CDH4: variants seen among roughly 807,000 people sequenced by gnomAD.
CDH4 encodes cadherin 4.
CDH4 carries 33 observed loss-of-function variants against 86.0 expected under a neutral mutation model. That is an observed-to-expected ratio of 0.38 (90% confidence interval 0.29 to 0.51). The LOEUF is 0.51. Ranked by LOEUF, CDH4 falls within the 20% of genes least tolerant of loss-of-function variation. The probability of loss-of-function intolerance (pLI) is 0.86; values close to 1 mark genes in which losing one functional copy is unlikely to be tolerated. For missense variants in CDH4, 1,114 were observed against 1,307.4 expected (o/e 0.85, Z 2.28); for synonymous variants, 555 against 549.4 (o/e 1.01, Z -0.14).
intron 2 of CDH4, among the ~76,000 whole-genome samples, chr20:61,533,088 G>T (rs1026804610): frequency 6.6e-6 from 1 of 152,146 alleles, no homozygotes; most frequent in Non-Finnish European, 1.5e-5. Context: ...ACCCTGAGAG[G>T]GACCCTGAGA....
chr20:61,507,972 C>T (rs1011079856), intron 2 of CDH4, among the ~76,000 whole-genome samples: 2 of 152,254 alleles, frequency 1.3e-5, no homozygotes, highest in Non-Finnish European at 2.9e-5. Flanking sequence ...CGCCCATGAC[C>T]CCACCGCCGG....
At chr20:61,467,311 T>C (rs2085477893) in intron 2 of CDH4, among the ~76,000 whole-genome samples, 1 of 152,252 alleles carries the variant, frequency 6.6e-6, no homozygotes, top group Admixed American at 6.5e-5. Context: ...ATGACATTTG[T>C]TAATCACTTA....
At chr20:61,634,058 A>C (rs117594366) in intron 2 of CDH4, among the ~76,000 whole-genome samples, 5,778 of 152,270 alleles carry the variant, frequency 0.038, 179 homozygotes, top group Middle Eastern at 0.068. Flanking sequence ...GACCCAGCTA[A>C]AGCCCGGTTT....
rs990704443 is a variant in CDH4, at chr20:61,516,456, C to T, written c.170-227107C>T. On this transcript the variant is annotated intron_variant, in intron 2 of 15. Transcript: ENST00000614565. This position sits in a 1 kb window ranked among gnomAD's most constrained non-coding sequence, Gnocchi z 4.0. ...AGATGCCGCTGCGGCTTCCATTTTA[C>T]AGACCGGGAGGCAGAGCCCCAGAGG... Among the ~76,000 whole-genome samples, 1 of 152,196 alleles carries T rather than the reference C, an allele frequency of 6.6e-6. No homozygotes were observed. Among genetic ancestry groups the T allele is most frequent in the Non-Finnish European group, 1.5e-5 (1 of 68,044 alleles).
chr20:61,614,373 G>T (rs1173690813), intron 2 of CDH4, among the ~76,000 whole-genome samples: 1 of 152,136 alleles, frequency 6.6e-6, no homozygotes, highest in Non-Finnish European at 1.5e-5. Context: ...GGAGGGCAGG[G>T]AAGCTCCTGC....
intron 2 of CDH4, among the ~76,000 whole-genome samples, chr20:61,478,960 ATT>A (rs549699582): frequency 0.035 from 5,095 of 144,620 alleles, 301 homozygotes; most frequent in African/African-American, 0.12. Flanking sequence ...CATTTTTGAA[ATT>A]TTTTTTTTTT....
At chr20:61,896,118 C>T (rs1311905238) in intron 8 of CDH4, among the ~76,000 whole-genome samples, 1 of 152,212 alleles carries the variant, frequency 6.6e-6, no homozygotes, top group Non-Finnish European at 1.5e-5. Context: ...ACACCAGCTG[C>T]ATCTGTGGAG....
chr20:61,461,067 C>T (rs2085439211), intron 2 of CDH4, among the ~76,000 whole-genome samples: 1 of 152,092 alleles, frequency 6.6e-6, no homozygotes, highest in Non-Finnish European at 1.5e-5. Flanking sequence ...TAATACAGGA[C>T]TTGGTTGCAT....
At chr20:61,859,187 G>C (rs748123763) in intron 6 of CDH4, among the ~76,000 whole-genome samples, 1 of 152,102 alleles carries the variant, frequency 6.6e-6, no homozygotes, top group Non-Finnish European at 1.5e-5. Context: ...GTGTTTATTG[G>C]CATCTGCGTG....
chr20:61,579,285 AT>A (rs11483950), intron 2 of CDH4, among the ~76,000 whole-genome samples: 4,477 of 129,506 alleles, frequency 0.035, 167 homozygotes, highest in African/African-American at 0.11. Context: ...CTCGATGGAG[AT>A]TTTTTTTTTT....
chr20:61,806,074 C>T (rs919167822), intron 4 of CDH4, among the ~76,000 whole-genome samples: 4 of 152,182 alleles, frequency 2.6e-5, no homozygotes, highest in Non-Finnish European at 4.4e-5. Context: ...CATTGTGGTT[C>T]GGGGCACATT....
intron 6 of CDH4, among the ~76,000 whole-genome samples, chr20:61,863,327 G>A (rs961684239): frequency 6.6e-6 from 1 of 152,188 alleles, no homozygotes; most frequent in Non-Finnish European, 1.5e-5. Context: ...TTCCTTGATG[G>A]GGAAATACTC....
intron 2 of CDH4, among the ~76,000 whole-genome samples, chr20:61,513,532 G>A (rs555865171): frequency 1.3e-5 from 2 of 152,208 alleles, no homozygotes; most frequent in Non-Finnish European, 2.9e-5. Flanking sequence ...CATGGCGCAC[G>A]GCTGTGAAGG....
At chr20:61,657,882 C>G (rs532656879) in intron 2 of CDH4, among the ~76,000 whole-genome samples, 6 of 152,120 alleles carry the variant, frequency 3.9e-5, no homozygotes, top group Non-Finnish European at 8.8e-5. Flanking sequence ...TGCTACGTCA[C>G]GGTGCCGGGC....
At chr20:61,915,827 T>A (rs2054898332) in intron 9 of CDH4, among the ~76,000 whole-genome samples, 2 of 152,190 alleles carry the variant, frequency 1.3e-5, no homozygotes, top group Non-Finnish European at 2.9e-5. Flanking sequence ...TGGCCGTGCT[T>A]CCGTACACTT....
chr20:61,518,227 G>A lies in CDH4; in HGVS notation c.170-225336G>A, dbSNP rs1228328534. On this transcript the variant is annotated intron_variant, in intron 2 of 15. Coordinates refer to ENST00000614565, the MANE Select transcript of CDH4 (RefSeq NM_001794.5). The surrounding 1 kb of genome is among the most constrained non-coding windows in gnomAD (Gnocchi z 6.3). ...CACCACCAGTTCCTAGGACGAGGAA[G>A]CCCGTGCCTCTCCACAGGCTGACTG... 1.3e-5 allele frequency among the ~76,000 whole-genome samples: 2 copies of A among 152,150 alleles called. No individual in the cohort carries two copies. The highest frequency in any genetic ancestry group is 4.8e-5 in the African/African-American group (2 of 41,432).
intron 2 of CDH4, among the ~76,000 whole-genome samples, chr20:61,474,043 A>T (rs1009567781): frequency 1.3e-4 from 19 of 151,908 alleles, no homozygotes; most frequent in African/African-American, 4.6e-4. Context: ...TACTGTAAAG[A>T]TCCAGGCTGT....
chr20:61,471,451 G>T (rs1256062907), intron 2 of CDH4, among the ~76,000 whole-genome samples: 2 of 146,146 alleles, frequency 1.4e-5, no homozygotes, highest in Non-Finnish European at 3.1e-5. Flanking sequence ...TGTCAATTGT[G>T]TTTATCTTTT....
intron 2 of CDH4, among the ~76,000 whole-genome samples, chr20:61,312,980 G>T (rs980792415): frequency 1.3e-5 from 2 of 152,110 alleles, no homozygotes; most frequent in African/African-American, 4.8e-5. Flanking sequence ...TGCCTCCAGG[G>T]CCTGGGGGTC....
Sources: allele counts gnomAD v4.1 joint callset (sites outside exome capture counted in the v4.1 genomes callset), GRCh38; gene constraint gnomAD v4.1.1; non-coding constraint Gnocchi (gnomAD v3.1); transcripts MANE v1.5; gene names NCBI Gene and HGNC (gene_info 2026-07-23, HGNC 2026-07-21).